AP1M2: variants seen among roughly 807,000 people sequenced by gnomAD.
The protein encoded by AP1M2 is AP-1 complex subunit mu-2.
In AP1M2, 41 loss-of-function variants were observed where a neutral mutation model predicts 54.6. That is an observed-to-expected ratio of 0.75 (90% confidence interval 0.59 to 0.97). The LOEUF is 0.97. Among genes scored for constraint, AP1M2 ranks in the 50% least tolerant of loss-of-function variants. The pLI is 0.00. For synonymous variants in AP1M2, 219 were observed against 215.9 expected, an observed-to-expected ratio of 1.01 and a Z score of -0.13; for missense variants, 507 against 561.2, an observed-to-expected ratio of 0.90 and a Z score of 0.98.
At chr19:10,585,908 G>A (rs1025340945) in intron 1 of AP1M2, among the ~76,000 whole-genome samples, 1 of 151,888 alleles carries the variant, frequency 6.6e-6, no homozygotes, top group Non-Finnish European at 1.5e-5. Flanking sequence ...TGAAGCAGGG[G>A]GATAGCTGGG....
Position 10,582,830 on chromosome 19 carries a change from C to CTT in AP1M2, c.267+774_267+775dup, listed in dbSNP as rs142077500. Among the ~76,000 whole-genome samples the CTT allele has an allele frequency of 3.9e-3, 559 of 145,052 alleles. 4 individuals carry two copies. Among genetic ancestry groups the CTT allele is most frequent in the African/African-American group, 0.012 (474 of 39,586 alleles). On this transcript the variant is annotated intron_variant, in intron 3 of 11. Transcript: ENST00000250244. ...CAAAAAAGGGCAGGTATGGTGGCTT[C>CTT]TTTTTTTTTTTTTGAGACTAAGTCT...
At chr19:10,583,739 C>A (rs373442460) in intron 2 of AP1M2, 66 bp from the exon 3 acceptor site, 36 of 1,539,866 alleles carry the variant, frequency 2.3e-5, no homozygotes, top group Non-Finnish European at 2.5e-5. Flanking sequence ...AGACCCCGAA[C>A]CTCCACCCTG....
chr19:10,578,781 G>A (rs1917328950), intron 8 of AP1M2, 111 bp downstream of exon 8: 1 of 735,308 alleles, frequency 1.4e-6, no homozygotes, highest in Non-Finnish European at 2.2e-6. Context: ...CAAAGTCCTG[G>A]GCTTAAGTGA....
chr19:10,579,113 C>A, intron 7 of AP1M2, 150 bp from the exon 8 acceptor site: 1 of 549,344 alleles, frequency 1.8e-6, no homozygotes, highest in Non-Finnish European at 3.2e-6. Context: ...CAACCTGCAC[C>A]TCCTGGACTA....
At chr19:10,580,799 AT>A (rs1048326968) in intron 6 of AP1M2, among the ~76,000 whole-genome samples, 1 of 152,008 alleles carries the variant, frequency 6.6e-6, no homozygotes, top group Non-Finnish European at 1.5e-5. Flanking sequence ...CCCCGTCTCT[AT>A]AAAAAATTTA....
intron 3 of AP1M2, among the ~76,000 whole-genome samples, chr19:10,582,084 C>A (rs183910753): frequency 1.3e-5 from 2 of 151,990 alleles, no homozygotes; most frequent in Admixed American, 1.3e-4. Flanking sequence ...CGCACTGTCA[C>A]CCAGGCTGGA....
chr19:10,573,130 A>T, intron 11 of AP1M2, 42 bp from the exon 12 acceptor site: 3 of 1,544,934 alleles, frequency 1.9e-6, no homozygotes, highest in Non-Finnish European at 2.6e-6. Context: ...AGAAATGGGG[A>T]GAGGGGGGCC....
chr19:10,576,520 C>T (rs1356348409), intron 9 of AP1M2, among the ~76,000 whole-genome samples: 2 of 151,984 alleles, frequency 1.3e-5, no homozygotes, highest in Admixed American at 1.3e-4. Flanking sequence ...CCTCGGCCTC[C>T]CAAAGTGCTG....
rs935678638 is a variant in AP1M2, at chr19:10,587,286, G to T, written c.-55C>A. On this transcript the variant is annotated 5_prime_UTR_variant, in exon 1 of 12. Coordinates refer to ENST00000250244, the MANE Select transcript of AP1M2 (RefSeq NM_005498.5). ...GAGGGAGCGCCGGGAGGCGATGGCGGCGCCGCTTCCTTCTTCCTGCGGAAG... is the reference window on the plus strand; with the variant it reads ...GAGGGAGCGCCGGGAGGCGATGGCGTCGCCGCTTCCTTCTTCCTGCGGAAG... The T allele has an allele frequency of 9.7e-6, 15 of 1,548,868 alleles. No individual in the cohort carries two copies. Among genetic ancestry groups the T allele is most frequent in the African/African-American group, 4.1e-5 (3 of 73,026 alleles).
At chr19:10,583,866 C>G in intron 2 of AP1M2, 48 bp downstream of exon 2, 1 of 1,555,144 alleles carries the variant, frequency 6.4e-7, no homozygotes, top group South Asian at 1.2e-5. Flanking sequence ...GCCACCATCG[C>G]CGACAGCCCC....
chr19:10,579,138 C>G (rs1252314467), intron 7 of AP1M2, among the ~76,000 whole-genome samples, 175 bp from the exon 8 acceptor site: 1 of 151,576 alleles, frequency 6.6e-6, no homozygotes, highest in South Asian at 2.1e-4. Flanking sequence ...AATTCTCGGC[C>G]GGGAGCGGTG....
rs369982695 is a variant in AP1M2, at chr19:10,581,903, C to G, written c.268-25G>C. 16 of 1,561,052 alleles carry G rather than the reference C, an allele frequency of 1.0e-5. No individual in the cohort carries two copies. The Middle Eastern group carries it at 5.4e-4, about 52-fold the overall frequency. ...CCTGGGGGTTGGAGGAGAGAGAGAC[C>G]CACAAAAGTGTGGCTATGGGTTGGG... On this transcript the variant is annotated intron_variant, in intron 3 of 11. Coordinates refer to ENST00000250244, the MANE Select transcript of AP1M2 (RefSeq NM_005498.5).
chr19:10,581,815 A>G lies in AP1M2; in HGVS notation c.331T>C (p.Tyr111His). Residue 111 changes from tyrosine (Y) to histidine (H), a missense_variant, in exon 4 of 12, where the codon TAC becomes CAC. By Grantham distance (83) the Tyr-to-His change is moderately conservative. Coordinates refer to ENST00000250244, the MANE Select transcript of AP1M2 (RefSeq NM_005498.5). ...ESIRDNFVIVYELLDELMDFG... is the reference protein window; with the variant it reads ...ESIRDNFVIVHELLDELMDFG... Reference sequence around the variant, plus strand: ...TCCATGAGCTCGTCCAGCAACTCGTAGACGATGACAAAGTTGTCCCGGATG... The same window carrying G: ...TCCATGAGCTCGTCCAGCAACTCGTGGACGATGACAAAGTTGTCCCGGATG... The G allele has an allele frequency of 1.2e-6, 2 of 1,613,996 alleles. No homozygotes were observed. Among genetic ancestry groups the G allele is most frequent in the Non-Finnish European group, 1.7e-6 (2 of 1,179,992 alleles).
Position 10,574,996 on chromosome 19 carries a change from C to A in AP1M2, c.1081G>T (p.Gly361Cys). 1 of 1,550,372 alleles carries A rather than the reference C, an allele frequency of 6.5e-7. No homozygotes were observed. The highest frequency in any genetic ancestry group is 8.7e-7 in the Non-Finnish European group (1 of 1,145,110). ...GKEYLMRAHF[G>C]LPSVEKEEVE... is the part of the protein sequence containing the mutation. ...TCTTCCTTTTCCACACTGGGGAGGC[C>A]AAAGTGGGCTCGCATCAAGTACTCC... The change falls in exon 10 of 12, where the codon GGC becomes TGC. Residue 361 changes from glycine to cysteine, a missense_variant. Gly to Cys is a radical substitution (Grantham distance 159). Coordinates refer to ENST00000250244, the MANE Select transcript of AP1M2 (RefSeq NM_005498.5).
rs765810028 is a variant in AP1M2 at position 10,579,699 on chromosome 19, G to A, written c.816+17C>T. 4 of 1,609,300 alleles carry A rather than the reference G, an allele frequency of 2.5e-6. No homozygotes were observed. In the Admixed American group the frequency reaches 5.0e-5, roughly 20 times the overall value. ...CCCCAACCTACTCCACCCAGATGGG[G>A]CTGGACCCTGCCTCACCTGGGTGCT... is the stretch of plus-strand genomic sequence containing the variant. On this transcript the variant is annotated intron_variant, in intron 7 of 11. Transcript: ENST00000250244.
In AP1M2 at chr19:10,578,879, C is replaced by T; in HGVS notation, c.888+13G>A. 6.2e-7 allele frequency: 1 copy of T among 1,602,222 alleles called. No individual in the cohort carries two copies. Among genetic ancestry groups the T allele is most frequent in the Non-Finnish European group, 8.5e-7 (1 of 1,174,076 alleles). The stretch of plus-strand genomic sequence containing the variant: ...GATCATGCATTGTTAATAAGCATTC[C>T]CCCAAGGCCCACCTTGACCATGATC... On this transcript the variant is annotated intron_variant, in intron 8 of 11. Transcript: ENST00000250244.
intron 6 of AP1M2, among the ~76,000 whole-genome samples, chr19:10,580,812 A>G (rs1278266327): frequency 2.0e-5 from 3 of 151,490 alleles, no homozygotes; most frequent in Admixed American, 2.0e-4. Flanking sequence ...AAAAATTTAA[A>G]AAGTAGGTGG....
intron 6 of AP1M2, 47 bp downstream of exon 6, chr19:10,581,219 C>A: frequency 6.4e-7 from 1 of 1,558,846 alleles, no homozygotes; most frequent in Non-Finnish European, 8.7e-7. Context: ...GGCGGGTTTG[C>A]GACTCCCCTG....
chr19:10,575,932 A>ATT (rs34986004), intron 9 of AP1M2, among the ~76,000 whole-genome samples: 6 of 134,982 alleles, frequency 4.4e-5, no homozygotes, highest in African/African-American at 1.6e-4. Context: ...CGCCCAGCTA[A>ATT]TTTTTTTTTT....
Sources: gnomAD v4.1 joint callset for allele counts (sites outside exome capture counted in the v4.1 genomes callset) on GRCh38, gnomAD v4.1.1 for gene constraint, MANE v1.5 for transcripts, NCBI Gene and HGNC (gene_info 2026-07-23, HGNC 2026-07-21) for gene names.